The following TMEM132C variants were observed in gnomAD, a reference collection of about 807,000 sequenced individuals.
TMEM132C encodes protein phosphatase 1, regulatory subunit 152.
Under a neutral mutation model 61.4 loss-of-function variants are expected in TMEM132C, and 29 were observed. The observed-to-expected ratio is 0.47, with a 90% CI of 0.35 to 0.64. The LOEUF (loss-of-function observed/expected upper bound fraction) is 0.64, where lower values mean the gene tolerates loss of function less well. TMEM132C is among the 30% of genes least tolerant of loss of function. The pLI, the probability that TMEM132C is intolerant of heterozygous loss-of-function variation, is 0.00. For missense variants in TMEM132C, 1,408 were observed against 1,476.9 expected (o/e 0.95, Z 0.76); for synonymous variants, 656 against 633.1 (o/e 1.04, Z -0.54).
At chr12:128,308,134 T>C (rs1419166237) in intron 1 of TMEM132C, among the ~76,000 whole-genome samples, 4 of 152,234 alleles carry the variant, frequency 2.6e-5, no homozygotes, top group African/African-American at 9.6e-5. Flanking sequence ...GGTGGCCGTC[T>C]TTCCTAAGCA....
chr12:128,428,642 C>G (rs527647283), intron 2 of TMEM132C, among the ~76,000 whole-genome samples: 1 of 152,068 alleles, frequency 6.6e-6, no homozygotes, highest in East Asian at 1.9e-4. Flanking sequence ...AAGAGAAAAT[C>G]GGGGTGCAGG....
chr12:128,698,538 G>T (rs893786517), intron 8 of TMEM132C, among the ~76,000 whole-genome samples: 1 of 152,218 alleles, frequency 6.6e-6, no homozygotes, highest in African/African-American at 2.4e-5. Flanking sequence ...AACAACACCT[G>T]TGAAGAGTCC....
intron 2 of TMEM132C, among the ~76,000 whole-genome samples, chr12:128,458,868 C>T (rs1335126587): frequency 3.3e-5 from 5 of 152,220 alleles, no homozygotes; most frequent in African/African-American, 4.8e-5. Context: ...CTTTCACTTC[C>T]ACCAACATCT....
chr12:128,398,323 C>T (rs936425214), intron 1 of TMEM132C, among the ~76,000 whole-genome samples: 13 of 152,214 alleles, frequency 8.5e-5, no homozygotes, highest in African/African-American at 3.1e-4. Flanking sequence ...AGTTCTGCAA[C>T]CTTTGTGTCT....
At chr12:128,492,826 C>A (rs1871790827) in intron 2 of TMEM132C, among the ~76,000 whole-genome samples, 1 of 152,160 alleles carries the variant, frequency 6.6e-6, no homozygotes, top group African/African-American at 2.4e-5. Flanking sequence ...ATGGTAGTTT[C>A]TTTTGCTGTG....
chr12:128,298,085 C>T (rs920067842), intron 1 of TMEM132C, among the ~76,000 whole-genome samples: 1 of 152,182 alleles, frequency 6.6e-6, no homozygotes, highest in African/African-American at 2.4e-5. Flanking sequence ...AAGCATTTTC[C>T]TCTTTTTATC....
Position 128,706,842 on chromosome 12 carries a change from A to C in TMEM132C, c.*547A>C, listed in dbSNP as rs891455808. 6.6e-6 allele frequency: 1 copy of C among 152,090 alleles called. No homozygotes were observed. The highest frequency in any genetic ancestry group is 2.4e-5 in the African/African-American group (1 of 41,386). 9.4% of individuals were successfully genotyped at this position (152,090 alleles called of 1,614,324 possible). On this transcript the variant is annotated 3_prime_UTR_variant, in exon 9 of 9. Coordinates refer to ENST00000435159, the MANE Select transcript of TMEM132C (RefSeq NM_001136103.3). ...TAGAACTAGGGAGTTTTAAATCTTT[A>C]CTTGATCATCTTTTATTTTCTTTTC...
At chr12:128,692,637 A>C (rs1418613358) in intron 5 of TMEM132C, among the ~76,000 whole-genome samples, 1 of 152,130 alleles carries the variant, frequency 6.6e-6, no homozygotes, top group Non-Finnish European at 1.5e-5. Context: ...CACAGTTCCT[A>C]GGGGACATTT....
At chr12:128,462,089 T>G (rs1401049673) in intron 2 of TMEM132C, among the ~76,000 whole-genome samples, 1 of 125,770 alleles carries the variant, frequency 8.0e-6, no homozygotes, top group Admixed American at 7.6e-5. Context: ...GCATCTGTTA[T>G]TTTATTTGTT....
chr12:128,615,880 T>C (rs1876784591), intron 3 of TMEM132C, among the ~76,000 whole-genome samples: 1 of 152,192 alleles, frequency 6.6e-6, no homozygotes, highest in Admixed American at 6.5e-5. Flanking sequence ...GCAGAGCTGG[T>C]AATAATCATT....
At chr12:128,349,155 C>T (rs920537853) in intron 1 of TMEM132C, among the ~76,000 whole-genome samples, 2 of 152,188 alleles carry the variant, frequency 1.3e-5, no homozygotes, top group Non-Finnish European at 2.9e-5. Flanking sequence ...AAGGTTGTGC[C>T]GTTGCACCCA....
intron 1 of TMEM132C, among the ~76,000 whole-genome samples, chr12:128,409,013 C>T (rs1220814604): frequency 6.6e-6 from 1 of 152,068 alleles, no homozygotes; most frequent in South Asian, 2.1e-4. Flanking sequence ...GAGCAACTCC[C>T]GTCTCCTCTC....
intron 4 of TMEM132C, among the ~76,000 whole-genome samples, chr12:128,648,591 G>A (rs1311111871): frequency 2.6e-5 from 4 of 151,912 alleles, no homozygotes; most frequent in East Asian, 1.9e-4. Context: ...CACTGGATGT[G>A]AGTGTGTTTA....
chr12:128,413,298 CAA>C (rs56026776), intron 1 of TMEM132C, among the ~76,000 whole-genome samples: 2 of 60,574 alleles, frequency 3.3e-5, no homozygotes, highest in African/African-American at 6.9e-5. Context: ...GACTCTGTCT[CAA>C]AAAAAAAAAA....
rs905732990 is a variant in TMEM132C, at chr12:128,415,341, T to C, written c.695T>C (p.Val232Ala). Residue 232 changes from valine to alanine, a missense_variant, in exon 2 of 9, where the codon GTG becomes GCG. Physicochemically the swap from Val to Ala is moderately conservative, Grantham distance 64. Coordinates refer to ENST00000435159, the MANE Select transcript of TMEM132C (RefSeq NM_001136103.3). The surrounding 1 kb of genome is among the most constrained non-coding windows in gnomAD (Gnocchi z 5.8). ...ACCCCTGTGGAGCTCTACTACACCG[T>C]GCACCCAGGAAACGAGCGAGGGGAC... ...EGTPVELYYT[V>A]HPGNERGDCA... 7.0e-6 allele frequency: 11 copies of C among 1,582,414 alleles called. No individual in the cohort carries two copies. The highest frequency in any genetic ancestry group is 9.5e-6 in the Non-Finnish European group (11 of 1,162,940).
intron 3 of TMEM132C, among the ~76,000 whole-genome samples, chr12:128,602,641 G>T (rs1876237623): frequency 6.6e-6 from 1 of 152,172 alleles, no homozygotes; most frequent in African/African-American, 2.4e-5. Context: ...CATCCTCACT[G>T]CTCCACCCAT....
intron 1 of TMEM132C, among the ~76,000 whole-genome samples, chr12:128,333,062 G>A (rs558028597): frequency 2.0e-5 from 3 of 152,148 alleles, no homozygotes. Flanking sequence ...AGTATTGTGT[G>A]TATATGTATG....
chr12:128,402,435 C>G (rs1875194065), intron 1 of TMEM132C, among the ~76,000 whole-genome samples: 1 of 152,114 alleles, frequency 6.6e-6, no homozygotes, highest in Non-Finnish European at 1.5e-5. Context: ...TGTGTTGTTT[C>G]CCTAGTGACA....
chr12:128,319,591 G>A (rs953931787), intron 1 of TMEM132C, among the ~76,000 whole-genome samples: 2 of 152,206 alleles, frequency 1.3e-5, no homozygotes, highest in East Asian at 1.9e-4. Flanking sequence ...ACTTTGGGAG[G>A]CCGAGATGGG....
Sources: gnomAD v4.1 joint callset for allele counts (sites outside exome capture counted in the v4.1 genomes callset) on GRCh38, gnomAD v4.1.1 for gene constraint, Gnocchi (gnomAD v3.1) non-coding constraint, MANE v1.5 for transcripts, NCBI Gene and HGNC (gene_info 2026-07-23, HGNC 2026-07-21) for gene names.